Variants in CDH17 observed in about 807,000 individuals in gnomAD.
The protein encoded by CDH17 is cadherin 17.
CDH17 carries 67 observed loss-of-function variants against 86.3 expected under a neutral mutation model. That is an observed-to-expected ratio of 0.78 (90% confidence interval 0.64 to 0.95). The LOEUF (loss-of-function observed/expected upper bound fraction) is 0.95. CDH17 is among the 40% of genes least tolerant of loss of function. The probability of loss-of-function intolerance (pLI) is 0.00; values close to 1 mark genes in which losing one functional copy is unlikely to be tolerated. For missense variants in CDH17, 993 were observed against 1,017.6 expected (o/e 0.98, Z 0.33); for synonymous variants, 367 against 366.4 (o/e 1.00, Z -0.02).
chr8:94,182,372 A>G lies in CDH17; in HGVS notation c.151-4651T>C, dbSNP rs148859224. On this transcript the variant is annotated intron_variant, in intron 3 of 17. Transcript: ENST00000027335. ...TTGAATATAGGCACAAAATTTTCCA[A>G]TGAAATACTAGCAAACTGAATCCAG... Among the ~76,000 whole-genome samples, 485 of 152,256 alleles carry G rather than the reference A, an allele frequency of 3.2e-3. 2 individuals carry two copies. Among genetic ancestry groups the G allele is most frequent in the African/African-American group, 0.011 (451 of 41,562 alleles).
chr8:94,148,967 C>A, intron 13 of CDH17, 93 bp from the exon 14 acceptor site: 1 of 996,884 alleles, frequency 1.0e-6, no homozygotes, highest in Non-Finnish European at 1.5e-6. Context: ...GTTTGTGCAT[C>A]CTTGAAATAT....
chr8:94,144,650 C>A (rs940885548), intron 15 of CDH17, among the ~76,000 whole-genome samples: 1 of 151,870 alleles, frequency 6.6e-6, no homozygotes, highest in South Asian at 2.1e-4. Context: ...ACATACAAAT[C>A]ATGAATAAAA....
chr8:94,142,835 A>G (rs1812666073), intron 15 of CDH17, among the ~76,000 whole-genome samples: 1 of 152,208 alleles, frequency 6.6e-6, no homozygotes, highest in African/African-American at 2.4e-5. Flanking sequence ...ATTCAGTTAC[A>G]TCATCAAGGC....
At chr8:94,208,211 C>T (rs1258992352) in intron 1 of CDH17, among the ~76,000 whole-genome samples, 1 of 152,190 alleles carries the variant, frequency 6.6e-6, no homozygotes, top group Non-Finnish European at 1.5e-5. Flanking sequence ...TCAATTTCCC[C>T]TTTAATTCCA....
At chr8:94,168,547 G>T (rs1390660886) in intron 9 of CDH17, among the ~76,000 whole-genome samples, 1 of 151,950 alleles carries the variant, frequency 6.6e-6, no homozygotes, top group Non-Finnish European at 1.5e-5. Flanking sequence ...GCATTGTCTT[G>T]TACCCTTTTA....
At chr8:94,200,789 T>C (rs1049469016) in intron 1 of CDH17, among the ~76,000 whole-genome samples, 3 of 151,926 alleles carry the variant, frequency 2.0e-5, no homozygotes, top group Admixed American at 6.6e-5. Context: ...TGGATCTGCA[T>C]CCAGCCCGGA....
At chr8:94,140,902 G>A (rs757368183) in intron 15 of CDH17, among the ~76,000 whole-genome samples, 1 of 151,930 alleles carries the variant, frequency 6.6e-6, no homozygotes, top group Non-Finnish European at 1.5e-5. Flanking sequence ...AAATACACCA[G>A]GCCCAGATAG....
intron 15 of CDH17, among the ~76,000 whole-genome samples, chr8:94,138,664 A>AT (rs1464402049): frequency 7.9e-5 from 12 of 152,220 alleles, no homozygotes; most frequent in Non-Finnish European, 1.2e-4. Context: ...GGCTGGGGAA[A>AT]GAACCACCTA....
chr8:94,184,018 C>G (rs1431083906), intron 3 of CDH17, among the ~76,000 whole-genome samples: 1 of 149,752 alleles, frequency 6.7e-6, no homozygotes, highest in Non-Finnish European at 1.5e-5. Flanking sequence ...TACCACTTCA[C>G]AACCACTAGG....
At chr8:94,134,112 TTC>T (rs1453540914) in intron 15 of CDH17, among the ~76,000 whole-genome samples, 4 of 152,182 alleles carry the variant, frequency 2.6e-5, no homozygotes, top group Admixed American at 6.5e-5. Flanking sequence ...TGGTCTAAAA[TTC>T]TCTGTTTTTG....
At chr8:94,177,931 T>C (rs1201821707) in intron 3 of CDH17, among the ~76,000 whole-genome samples, 1 of 152,340 alleles carries the variant, frequency 6.6e-6, no homozygotes, top group South Asian at 2.1e-4. Context: ...CTGTATACTA[T>C]TATTCAATAC....
intron 1 of CDH17, among the ~76,000 whole-genome samples, chr8:94,197,643 C>T (rs910174915): frequency 8.9e-4 from 135 of 151,950 alleles, no homozygotes; most frequent in African/African-American, 3.1e-3. Flanking sequence ...CAAGCCTGGT[C>T]AACATAGTGA....
At chr8:94,146,251 A>C in intron 14 of CDH17, 84 bp from the exon 15 acceptor site, 2 of 1,295,338 alleles carry the variant, frequency 1.5e-6, no homozygotes, top group Non-Finnish European at 2.1e-6. Flanking sequence ...TTAAAATTCA[A>C]GGAGTTAGGT....
Position 94,170,416 on chromosome 8 carries a change from G to C in CDH17, c.1047C>G (p.Val349=), listed in dbSNP as rs1207840260. 1 of 1,613,764 alleles carries C rather than the reference G, an allele frequency of 6.2e-7. No homozygotes were observed. Among genetic ancestry groups the C allele is most frequent in the South Asian group, 1.1e-5 (1 of 91,040 alleles). ...TCPSPVTVFE[V]QENERLGNSI... is the part of the protein sequence containing the mutation. Reference sequence around the variant, plus strand: ...TCTTACCCAGTCGTTCATTCTCCTGGACCTCAAATACGGTTACTGGTGACG... The same window carrying C: ...TCTTACCCAGTCGTTCATTCTCCTGCACCTCAAATACGGTTACTGGTGACG... Residue 349 remains valine (V), a synonymous_variant, in exon 9 of 18, where the codon GTC becomes GTG. Coordinates refer to ENST00000027335, the MANE Select transcript of CDH17 (RefSeq NM_004063.4).
rs1813320648 is a variant in CDH17 at position 94,174,013 on chromosome 8, A to T, written c.584-17T>A. The stretch of plus-strand genomic sequence containing the variant: ...CCTGAGATCCTGTGAGAAGTAGGGG[A>T]GAAGGGAATAGGAAGTGTCTCTGGA... On this transcript the variant is annotated splice_polypyrimidine_tract_variant and intron_variant, in intron 6 of 17. Transcript: ENST00000027335. 6.2e-7 allele frequency: 1 copy of T among 1,611,496 alleles called. No homozygotes were observed. Among genetic ancestry groups the T allele is most frequent in the African/African-American group, 1.3e-5 (1 of 74,848 alleles).
chr8:94,200,562 T>G (rs1454689563), intron 1 of CDH17, among the ~76,000 whole-genome samples: 1 of 141,038 alleles, frequency 7.1e-6, no homozygotes, highest in Non-Finnish European at 1.5e-5. Context: ...TTTTTTTTTT[T>G]TTTTTTACAA....
At chr8:94,137,444 G>A (rs1812552445) in intron 15 of CDH17, among the ~76,000 whole-genome samples, 1 of 152,192 alleles carries the variant, frequency 6.6e-6, no homozygotes, top group Admixed American at 6.5e-5. Flanking sequence ...GACCTGCCAA[G>A]CCAGGCACGG....
chr8:94,180,169 G>C (rs1189809499), intron 3 of CDH17, among the ~76,000 whole-genome samples: 3 of 151,964 alleles, frequency 2.0e-5, no homozygotes, highest in Non-Finnish European at 4.4e-5. Context: ...TCATAAGAGG[G>C]TGTTCAAAAG....
intron 15 of CDH17, among the ~76,000 whole-genome samples, chr8:94,139,764 A>T (rs1376160492): frequency 6.6e-6 from 1 of 152,038 alleles, no homozygotes; most frequent in African/African-American, 2.4e-5. Context: ...GTAGCTGGGC[A>T]TCATGGTGTG....
Sources: gnomAD v4.1 joint callset for allele counts (sites outside exome capture counted in the v4.1 genomes callset) on GRCh38, gnomAD v4.1.1 for gene constraint, MANE v1.5 for transcripts, NCBI Gene and HGNC (gene_info 2026-07-23, HGNC 2026-07-21) for gene names.